ADAMTSL1: variants seen among roughly 807,000 people sequenced by gnomAD.
ADAMTSL1 encodes the protein ADAMTS like 1, also known as ADAMTS-like protein 1.
A neutral mutation model predicts 201.8 loss-of-function variants in ADAMTSL1; 126 were observed. The ratio of observed to expected loss-of-function variants is 0.62; its 90% confidence interval spans 0.54 to 0.72. The LOEUF (loss-of-function observed/expected upper bound fraction) is 0.72. Ranked by LOEUF, ADAMTSL1 falls within the 30% of genes least tolerant of loss-of-function variation. ADAMTSL1 has a pLI of 0.00. For missense variants in ADAMTSL1, 2,679 were observed against 2,277.8 expected, an observed-to-expected ratio of 1.18 and a Z score of -3.59; for synonymous variants, 1,121 against 903.4, an observed-to-expected ratio of 1.24 and a Z score of -4.32.
intron 23 of ADAMTSL1, among the ~76,000 whole-genome samples, chr9:18,838,802 G>A (rs998456724): frequency 6.6e-6 from 1 of 151,486 alleles, no homozygotes; most frequent in Non-Finnish European, 1.5e-5. Context: ...GGCTGCAAGT[G>A]AGCTATAATC....
rs141967930 is a variant in ADAMTSL1, at chr9:18,783,138, A to G, written c.3677+5232A>G. Among the ~76,000 whole-genome samples, 4 of 152,314 alleles carry G rather than the reference A, an allele frequency of 2.6e-5. No individual in the cohort carries two copies. In the East Asian group the frequency reaches 7.7e-4, roughly 29 times the overall value. On this transcript the variant is annotated intron_variant, in intron 19 of 28. Transcript: ENST00000380548. ...CCATTGCAGTAGCCCCTACAACACT[A>G]TTGATCTTTACTGGGCATTAGATAC...
chr9:18,354,586 G>A (rs1054501586), intron 2 of ADAMTSL1, among the ~76,000 whole-genome samples: 1 of 152,182 alleles, frequency 6.6e-6, no homozygotes, highest in Non-Finnish European at 1.5e-5. Context: ...TCTGGAAGGT[G>A]CAAATTGATG....
chr9:18,676,140 G>A (rs1830117690), intron 10 of ADAMTSL1, among the ~76,000 whole-genome samples: 1 of 152,032 alleles, frequency 6.6e-6, no homozygotes, highest in South Asian at 2.1e-4. Context: ...ACACTGGAGT[G>A]AAAACAGTAA....
intron 2 of ADAMTSL1, among the ~76,000 whole-genome samples, chr9:18,377,543 A>G (rs964535011): frequency 3.9e-5 from 6 of 152,076 alleles, no homozygotes; most frequent in African/African-American, 1.4e-4. Context: ...CTACATTTGA[A>G]TTGTGAAAGA....
intron 3 of ADAMTSL1, among the ~76,000 whole-genome samples, chr9:18,544,227 G>A (rs1820338291): frequency 6.6e-6 from 1 of 152,122 alleles, no homozygotes; most frequent in South Asian, 2.1e-4. Flanking sequence ...CTTCCACATT[G>A]CCTTGGTAAA....
chr9:17,968,624 G>T (rs1026277337), intron 1 of ADAMTSL1, among the ~76,000 whole-genome samples: 3 of 152,100 alleles, frequency 2.0e-5, no homozygotes, highest in Non-Finnish European at 2.9e-5. Flanking sequence ...AAACAATGTG[G>T]TATCCTCGTT....
In ADAMTSL1 at chr9:17,922,610, T is replaced by A. The variant is rs537219882; in HGVS notation, c.87+15688T>A. On this transcript the variant is annotated intron_variant, in intron 1 of 29. Coordinates refer to the ADAMTSL1 transcript ENST00000680146. ...AAAACCACATTTTAGGAAACACTGATATGATGTGTCTTATTTACAGATGAG... is the reference window on the plus strand; with the variant it reads ...AAAACCACATTTTAGGAAACACTGAAATGATGTGTCTTATTTACAGATGAG... Among the ~76,000 whole-genome samples the A allele has an allele frequency of 4.2e-4, 64 of 152,248 alleles. No homozygotes were observed. The Middle Eastern group carries it at 0.017, about 40-fold the overall frequency.
rs577804589 is a variant in ADAMTSL1, at chr9:18,716,506, A to C, written c.1877-5030A>C. ...GAAAAAATGCTCACCATCACTGGCCATCAGAGAAATGCAAATCAAAACCAC... is the reference window on the plus strand; with the variant it reads ...GAAAAAATGCTCACCATCACTGGCCCTCAGAGAAATGCAAATCAAAACCAC... On this transcript the variant is annotated intron_variant, in intron 14 of 28. Coordinates refer to ENST00000380548, the MANE Select transcript of ADAMTSL1 (RefSeq NM_001040272.6). Among the ~76,000 whole-genome samples the C allele has an allele frequency of 9.8e-3, 1,497 of 152,008 alleles. 28 individuals are homozygous for C. Among genetic ancestry groups the C allele is most frequent in the African/African-American group, 0.034 (1,415 of 41,466 alleles).
At chr9:18,836,277 T>C (rs542847437) in intron 23 of ADAMTSL1, among the ~76,000 whole-genome samples, 3 of 152,220 alleles carry the variant, frequency 2.0e-5, no homozygotes, top group South Asian at 4.1e-4. Flanking sequence ...TTTAATGGGG[T>C]TAGTTGTTTT....
At chr9:18,659,467 A>G (rs1464275125) in intron 8 of ADAMTSL1, among the ~76,000 whole-genome samples, 7 of 152,240 alleles carry the variant, frequency 4.6e-5, no homozygotes, top group Non-Finnish European at 1.0e-4. Context: ...TGTCATGGAT[A>G]GAAAATCATT....
At chr9:18,467,154 A>G (rs577608176) in intron 2 of ADAMTSL1, among the ~76,000 whole-genome samples, 2 of 152,190 alleles carry the variant, frequency 1.3e-5, no homozygotes, top group Non-Finnish European at 2.9e-5. Context: ...AGAATTTACA[A>G]TCTAGTTGAA....
chr9:18,398,484 G>A (rs898366432), intron 2 of ADAMTSL1, among the ~76,000 whole-genome samples: 4 of 152,096 alleles, frequency 2.6e-5, no homozygotes, highest in Non-Finnish European at 5.9e-5. Flanking sequence ...TATCCACTCT[G>A]TTCCCTTTCT....
chr9:18,894,140 T>TAA (rs1464377075), intron 26 of ADAMTSL1, among the ~76,000 whole-genome samples: 1 of 152,240 alleles, frequency 6.6e-6, no homozygotes, highest in Non-Finnish European at 1.5e-5. Context: ...GATTTTATTG[T>TAA]AAGTGCAACT....
At chr9:18,578,059 G>A (rs1822851228) in intron 4 of ADAMTSL1, among the ~76,000 whole-genome samples, 1 of 151,460 alleles carries the variant, frequency 6.6e-6, no homozygotes, top group Admixed American at 6.6e-5. Context: ...TGAAAGCAGG[G>A]CCTTTGAGAT....
At chr9:18,657,606 A>T in intron 7 of ADAMTSL1, 33 bp from the exon 8 acceptor site, 1 of 1,536,580 alleles carries the variant, frequency 6.5e-7, no homozygotes, top group Non-Finnish European at 9.0e-7. Flanking sequence ...CCGCACTGTC[A>T]CATTACTTCT....
At chr9:18,409,864 A>G (rs1312077697) in intron 2 of ADAMTSL1, among the ~76,000 whole-genome samples, 1 of 150,400 alleles carries the variant, frequency 6.6e-6, no homozygotes, top group African/African-American at 2.4e-5. Flanking sequence ...GAAAATTTAT[A>G]TATGTATACA....
In ADAMTSL1 at chr9:18,395,193, C is replaced by A. The variant is rs528729822; in HGVS notation, c.208-109636C>A. 3.3e-5 allele frequency among the ~76,000 whole-genome samples: 5 copies of A among 152,286 alleles called. No individual in the cohort carries two copies. In the South Asian group the frequency reaches 1.0e-3, roughly 32 times the overall value. Reference sequence around the variant, plus strand: ...TCTCCAGCATTATGTCATGGAAAAGCAACAGTAAGATCTGTAAACTGCCTT... The same window carrying A: ...TCTCCAGCATTATGTCATGGAAAAGAAACAGTAAGATCTGTAAACTGCCTT... On this transcript the variant is annotated intron_variant, in intron 2 of 29. Transcript: ENST00000680146.
chr9:17,966,846 A>G (rs949439238), intron 1 of ADAMTSL1, among the ~76,000 whole-genome samples: 4 of 152,108 alleles, frequency 2.6e-5, no homozygotes, highest in African/African-American at 9.7e-5. Flanking sequence ...AGTACAGTTC[A>G]TGTAAGAAAA....
chr9:18,565,780 T>A (rs571183110), intron 3 of ADAMTSL1, among the ~76,000 whole-genome samples: 1 of 152,196 alleles, frequency 6.6e-6, no homozygotes, highest in African/African-American at 2.4e-5. Context: ...AGCAACTATG[T>A]CTGTTTAATT....
Sources: allele counts gnomAD v4.1 joint callset (sites outside exome capture counted in the v4.1 genomes callset), GRCh38; gene constraint gnomAD v4.1.1; transcripts MANE v1.5; gene names NCBI Gene and HGNC (gene_info 2026-07-23, HGNC 2026-07-21).